The following TENM2 variants were observed in gnomAD, a reference collection of about 807,000 sequenced individuals.
TENM2 encodes teneurin transmembrane protein 2.
A neutral mutation model predicts 245.2 loss-of-function variants in TENM2; 52 were observed. That is an observed-to-expected ratio of 0.21 (90% CI 0.17 to 0.27). TENM2 has a LOEUF of 0.27. TENM2 is among the 10% of genes least tolerant of loss of function. The pLI is 1.00. For synonymous variants in TENM2, 1,363 were observed against 1,438.9 expected (o/e 0.95, Z 1.19); for missense variants, 3,046 against 3,666.8 (o/e 0.83, Z 4.37).
At chr5:167,609,688 C>T (rs1449913134) in intron 2 of TENM2, among the ~76,000 whole-genome samples, 1 of 151,950 alleles carries the variant, frequency 6.6e-6, no homozygotes, top group Non-Finnish European at 1.5e-5. Flanking sequence ...TTTGAGGATC[C>T]TTGCTATACT....
chr5:167,960,512 A>C (rs1780923870), intron 4 of TENM2, among the ~76,000 whole-genome samples: 1 of 151,952 alleles, frequency 6.6e-6, no homozygotes, highest in Non-Finnish European at 1.5e-5. Flanking sequence ...AAAACTACTT[A>C]CTCAAGCCTC....
chr5:167,746,973 T>C (rs967756515), intron 2 of TENM2, among the ~76,000 whole-genome samples: 1 of 152,170 alleles, frequency 6.6e-6, no homozygotes, highest in Non-Finnish European at 1.5e-5. Flanking sequence ...CAAAATGGTG[T>C]TCCCTGCCCT....
At chr5:168,136,508 T>A (rs1250332868) in intron 12 of TENM2, among the ~76,000 whole-genome samples, 1 of 152,222 alleles carries the variant, frequency 6.6e-6, no homozygotes, top group African/African-American at 2.4e-5. Flanking sequence ...GCACCATTGG[T>A]GCTCACGCTA....
chr5:167,625,451 A>G (rs1418805512), intron 2 of TENM2, among the ~76,000 whole-genome samples: 2 of 152,196 alleles, frequency 1.3e-5, no homozygotes, highest in Non-Finnish European at 2.9e-5. Context: ...ATTACTTATC[A>G]AGATTTTTAG....
intron 23 of TENM2, among the ~76,000 whole-genome samples, chr5:168,223,025 T>TA (rs780817674): frequency 6.6e-6 from 1 of 152,212 alleles, no homozygotes; most frequent in Non-Finnish European, 1.5e-5. Context: ...TGCTGGAACT[T>TA]ACAGCGCTTC....
rs540326142 is a variant in TENM2, at chr5:168,030,158, C to CTTTTTTTTTTTTTTTT, written c.1187-17255_1187-17240dup. 2.8e-4 allele frequency among the ~76,000 whole-genome samples: 18 copies of CTTTTTTTTTTTTTTTT among 65,286 alleles called. 2 individuals carry two copies. The highest frequency in any genetic ancestry group is 8.8e-4 in the East Asian group (1 of 1,130). 42.8% of individuals were successfully genotyped at this position (65,286 alleles called of 152,430 possible). On this transcript the variant is annotated intron_variant, in intron 5 of 28. Transcript: ENST00000518659. ...CTTTGGCCCAAGTCTGGTTCTGGCTCTTTTTTTTTTTTTTTTTTTTTTTTT... is the reference window on the plus strand; with the variant it reads ...CTTTGGCCCAAGTCTGGTTCTGGCTCTTTTTTTTTTTTTTTTTTTTTTTTTTTTTTTTTTTTTTTTT...
intron 2 of TENM2, among the ~76,000 whole-genome samples, chr5:167,728,454 TA>T (rs201373592): frequency 5.3e-5 from 8 of 151,166 alleles, no homozygotes; most frequent in South Asian, 2.1e-4. Context: ...AAATAAAAAA[TA>T]AAAAAAATTA....
chr5:167,677,763 A>G (rs1281658592), intron 2 of TENM2, among the ~76,000 whole-genome samples: 2 of 149,544 alleles, frequency 1.3e-5, no homozygotes, highest in Non-Finnish European at 3.0e-5. Context: ...TATGATAATT[A>G]CAGAAAATAC....
chr5:167,527,072 A>T (rs1771171191), intron 2 of TENM2, among the ~76,000 whole-genome samples: 1 of 152,132 alleles, frequency 6.6e-6, no homozygotes, highest in Admixed American at 6.6e-5. Flanking sequence ...ACTCTCTCCC[A>T]ACACTCCCTT....
intron 4 of TENM2, among the ~76,000 whole-genome samples, chr5:167,969,685 G>A (rs764942946): frequency 6.6e-6 from 1 of 152,192 alleles, no homozygotes; most frequent in Non-Finnish European, 1.5e-5. Flanking sequence ...TCGCTGTTAT[G>A]TAGGCCTCCT....
intron 2 of TENM2, among the ~76,000 whole-genome samples, chr5:167,680,142 G>T (rs1394504087): frequency 2.6e-5 from 4 of 151,848 alleles, no homozygotes; most frequent in African/African-American, 9.7e-5. Flanking sequence ...TTAATTCATC[G>T]CTCCATCTTC....
chr5:167,370,067 G>A (rs1283603208), intron 1 of TENM2, among the ~76,000 whole-genome samples: 1 of 152,182 alleles, frequency 6.6e-6, no homozygotes, highest in Non-Finnish European at 1.5e-5. Flanking sequence ...TGGAGGCTGG[G>A]CGCGGTGGCT....
chr5:168,117,068 A>C (rs1795134551), intron 9 of TENM2, among the ~76,000 whole-genome samples: 1 of 152,234 alleles, frequency 6.6e-6, no homozygotes, highest in Admixed American at 6.5e-5. Flanking sequence ...GACCTGAAGG[A>C]GACCGACCAC....
rs536056026 is a variant in TENM2, at chr5:168,057,192, G to A, written c.1310-4868G>A. On this transcript the variant is annotated intron_variant, in intron 6 of 28. Transcript: ENST00000518659. ...AAACACTAGCTTGTTTAACAATATG[G>A]ATATCTTCTGTTAAATAAATCGAGC... Among the ~76,000 whole-genome samples the A allele has an allele frequency of 3.3e-5, 5 of 152,116 alleles. No homozygotes were observed. The East Asian group carries it at 9.7e-4, about 29-fold the overall frequency.
At chr5:168,022,870 G>A (rs927176022) in intron 5 of TENM2, among the ~76,000 whole-genome samples, 2 of 152,058 alleles carry the variant, frequency 1.3e-5, no homozygotes, top group South Asian at 2.1e-4. Context: ...TGTCTCTCAC[G>A]CCTGCCCATT....
the TENM2 span, among the ~76,000 whole-genome samples, chr5:167,218,837 A>T: frequency 6.6e-6 from 1 of 152,154 alleles, no homozygotes; most frequent in Non-Finnish European, 1.5e-5. Flanking sequence ...ATGTATATGA[A>T]CTTCTTCAAT....
At chr5:167,551,624 A>G (rs1294387898) in intron 2 of TENM2, among the ~76,000 whole-genome samples, 2 of 152,158 alleles carry the variant, frequency 1.3e-5, no homozygotes, top group Non-Finnish European at 2.9e-5. Context: ...ACACACACAT[A>G]CACGCACACA....
At chr5:167,515,082 C>G (rs1162031216) in intron 2 of TENM2, among the ~76,000 whole-genome samples, 1 of 152,126 alleles carries the variant, frequency 6.6e-6, no homozygotes, top group Non-Finnish European at 1.5e-5. Flanking sequence ...CCATCAAGTT[C>G]ATGAAGGTAA....
the TENM2 span, among the ~76,000 whole-genome samples, chr5:167,180,388 T>G: frequency 6.6e-6 from 1 of 152,092 alleles, no homozygotes; most frequent in East Asian, 1.9e-4. Context: ...AAGTGCTTCT[T>G]TACAAATCCT....
Sources: allele counts gnomAD v4.1 joint callset (sites outside exome capture counted in the v4.1 genomes callset), GRCh38; gene constraint gnomAD v4.1.1; transcripts MANE v1.5; gene names NCBI Gene and HGNC (gene_info 2026-07-23, HGNC 2026-07-21).